LGR4: variants seen among roughly 807,000 people sequenced by gnomAD.
LGR4 encodes the protein leucine-rich repeat-containing G protein-coupled receptor 4.
In LGR4, 44 loss-of-function variants were observed where a neutral mutation model predicts 84.8. The ratio of observed to expected loss-of-function variants is 0.52; its 90% CI spans 0.41 to 0.67. The LOEUF (loss-of-function observed/expected upper bound fraction) is 0.67, where lower values mean the gene tolerates loss of function less well. LGR4 is among the 30% of genes least tolerant of loss of function. The pLI, the probability that LGR4 is intolerant of heterozygous loss-of-function variation, is 0.00. For synonymous variants in LGR4, 429 were observed against 434.3 expected (o/e 0.99, Z 0.15); for missense variants, 1,032 against 1,131.4 (o/e 0.91, Z 1.26).
At chr11:27,452,790 ATT>A (rs746624004) in intron 1 of LGR4, among the ~76,000 whole-genome samples, 12 of 136,638 alleles carry the variant, frequency 8.8e-5, no homozygotes, top group Non-Finnish European at 9.6e-5. Flanking sequence ...CGTCCGGCTA[ATT>A]TTTTTTTTTT....
At chr11:27,433,673 C>G (rs1864157117) in intron 1 of LGR4, among the ~76,000 whole-genome samples, 1 of 152,178 alleles carries the variant, frequency 6.6e-6, no homozygotes, top group Non-Finnish European at 1.5e-5. Flanking sequence ...AACAGAAAGG[C>G]AAAACAAATC....
intron 1 of LGR4, 57 bp downstream of exon 1, chr11:27,472,061 C>T (rs1864884627): frequency 1.7e-6 from 2 of 1,176,846 alleles, no homozygotes; most frequent in Non-Finnish European, 1.1e-6. Flanking sequence ...CCCCGCGGCG[C>T]CCCCCGCTGG....
At chr11:27,372,950 C>T (rs1327778620) in intron 15 of LGR4, 1 of 152,420 alleles carries the variant, frequency 6.6e-6, no homozygotes, top group East Asian at 1.9e-4. Flanking sequence ...GCCTAGAACT[C>T]CCAGGCTGAA....
At chr11:27,415,132 G>A (rs1217727380) in intron 1 of LGR4, among the ~76,000 whole-genome samples, 2 of 151,972 alleles carry the variant, frequency 1.3e-5, no homozygotes, top group East Asian at 3.9e-4. Flanking sequence ...TAATCATATC[G>A]AAAGCAAAAT....
At chr11:27,406,953 T>C (rs1481237905) in intron 2 of LGR4, among the ~76,000 whole-genome samples, 5 of 152,090 alleles carry the variant, frequency 3.3e-5, no homozygotes, top group African/African-American at 4.8e-5. Context: ...AAGAGAACAA[T>C]AGCTACTTTC....
intron 17 of LGR4, 106 bp from the exon 18 acceptor site, chr11:27,369,249 CT>C: frequency 1.1e-6 from 1 of 875,794 alleles, no homozygotes; most frequent in Non-Finnish European, 1.7e-6. Context: ...CTAATTAAAT[CT>C]GCTCTCTACT....
At chr11:27,427,823 A>G (rs568670855) in intron 1 of LGR4, among the ~76,000 whole-genome samples, 1 of 152,332 alleles carries the variant, frequency 6.6e-6, no homozygotes, top group Admixed American at 6.5e-5. Flanking sequence ...AGCCCTTGGG[A>G]AAAAAGTTCT....
intron 1 of LGR4, among the ~76,000 whole-genome samples, chr11:27,451,780 A>T (rs1864483743): frequency 6.6e-6 from 1 of 152,248 alleles, no homozygotes; most frequent in Non-Finnish European, 1.5e-5. Flanking sequence ...ACTAATTCAC[A>T]GGCAGAGATC....
intron 1 of LGR4, among the ~76,000 whole-genome samples, chr11:27,462,078 C>T (rs1162548039): frequency 1.3e-5 from 2 of 151,964 alleles, no homozygotes; most frequent in Non-Finnish European, 2.9e-5. Context: ...GGTAATCTAC[C>T]CGCCTCGGCC....
At chr11:27,431,359 T>G (rs915266061) in intron 1 of LGR4, among the ~76,000 whole-genome samples, 3 of 152,170 alleles carry the variant, frequency 2.0e-5, no homozygotes, top group Non-Finnish European at 2.9e-5. Flanking sequence ...TATATTACAA[T>G]GGCCCCTTAT....
chr11:27,421,821 G>A (rs1363348946), intron 1 of LGR4, among the ~76,000 whole-genome samples: 1 of 152,130 alleles, frequency 6.6e-6, no homozygotes, highest in Non-Finnish European at 1.5e-5. Context: ...TGTGGGATAT[G>A]TTCTAAAGAG....
At chr11:27,426,764 C>T (rs1864030504) in intron 1 of LGR4, among the ~76,000 whole-genome samples, 2 of 152,050 alleles carry the variant, frequency 1.3e-5, no homozygotes, top group South Asian at 4.2e-4. Flanking sequence ...GAACTGAGAC[C>T]CAGAGGGGTT....
At position 27,370,725 on chromosome 11, in the gene LGR4, C is replaced by G. The variant is rs566045537; in HGVS notation, c.1579+890G>C. On this transcript the variant is annotated intron_variant, in intron 17 of 17. Transcript: ENST00000379214. Reference sequence around the variant, plus strand: ...CGCTGCATGTTGAAGTCCAGCCCCCCCTTTAATAAACCTGTTCCCTTCTCA... The same window carrying G: ...CGCTGCATGTTGAAGTCCAGCCCCCGCTTTAATAAACCTGTTCCCTTCTCA... Among the ~76,000 whole-genome samples, 183 of 152,264 alleles carry G rather than the reference C, an allele frequency of 1.2e-3. 1 individual carries two copies. Among genetic ancestry groups the G allele is most frequent in the African/African-American group, 3.8e-3 (157 of 41,562 alleles).
intron 1 of LGR4, among the ~76,000 whole-genome samples, chr11:27,426,725 A>C (rs1364665843): frequency 6.6e-6 from 1 of 152,166 alleles, no homozygotes; most frequent in Non-Finnish European, 1.5e-5. Flanking sequence ...ATCACCATCT[A>C]ATCTCACCAT....
At chr11:27,463,337 G>A (rs1170415879) in intron 1 of LGR4, among the ~76,000 whole-genome samples, 1 of 151,838 alleles carries the variant, frequency 6.6e-6, no homozygotes. Flanking sequence ...GAGAACGGAA[G>A]GCCAACAAGA....
chr11:27,369,007 C>T lies in LGR4; in HGVS notation c.1716G>A (p.Ser572=), dbSNP rs190007582. Residue 572 remains serine (S), a synonymous_variant, in exon 18 of 18, where the codon TCG becomes TCA. Transcript: ENST00000379214. ...TTFASCTSLP[S]SKLFIGLISV... ...AAATCAAGCCTATAAACAATTTGGACGAAGGCAGTGATGTACAAGATGCAA... is the reference window on the plus strand; with the variant it reads ...AAATCAAGCCTATAAACAATTTGGATGAAGGCAGTGATGTACAAGATGCAA... The T allele has an allele frequency of 8.6e-5, 139 of 1,613,912 alleles. 2 individuals are homozygous for T. Among genetic ancestry groups the T allele is most frequent in the East Asian group, 7.4e-4 (33 of 44,880 alleles).
At chr11:27,464,737 A>C (rs1383270019) in intron 1 of LGR4, among the ~76,000 whole-genome samples, 1 of 152,156 alleles carries the variant, frequency 6.6e-6, no homozygotes, top group African/African-American at 2.4e-5. Flanking sequence ...CCCCAAATAG[A>C]ACTTTAAAAA....
chr11:27,442,825 T>C (rs772328126), intron 1 of LGR4, among the ~76,000 whole-genome samples: 1 of 152,228 alleles, frequency 6.6e-6, no homozygotes, highest in Non-Finnish European at 1.5e-5. Context: ...AATCCTCTGC[T>C]ACTTGAAAAT....
intron 1 of LGR4, among the ~76,000 whole-genome samples, chr11:27,446,704 T>C (rs554317286): frequency 1.3e-5 from 2 of 152,346 alleles, no homozygotes; most frequent in South Asian, 4.1e-4. Flanking sequence ...CAAAGGATTA[T>C]AAATCATGTT....
Sources: gnomAD v4.1 joint callset for allele counts (sites outside exome capture counted in the v4.1 genomes callset) on GRCh38, gnomAD v4.1.1 for gene constraint, MANE v1.5 for transcripts, NCBI Gene and HGNC (gene_info 2026-07-23, HGNC 2026-07-21) for gene names.